TRIM62: variants seen among roughly 807,000 people sequenced by gnomAD.
TRIM62 encodes tripartite motif containing 62.
TRIM62 carries 39 observed loss-of-function variants against 44.2 expected under a neutral mutation model. The observed-to-expected ratio is 0.88, with a 90% CI of 0.68 to 1.15. The LOEUF is 1.15. TRIM62 is among the 50% of genes most tolerant of loss of function. The pLI, the probability that TRIM62 is intolerant of heterozygous loss-of-function variation, is 0.00. For synonymous variants in TRIM62, 278 were observed against 292.3 expected (o/e 0.95, Z 0.50); for missense variants, 544 against 665.5 (o/e 0.82, Z 2.01).
rs1489018202 is a variant in TRIM62, at chr1:33,145,843, C to A, written c.*1334G>T. On this transcript the variant is annotated 3_prime_UTR_variant, in exon 5 of 5. Coordinates refer to ENST00000291416, the MANE Select transcript of TRIM62 (RefSeq NM_018207.3). ...AAAACGCAGGTGGGGCTTGCTCCAC[C>A]CACCCTAACTTCCTTCTAGGGAAAT... 1 of 470,932 alleles carries A rather than the reference C, an allele frequency of 2.1e-6. No homozygotes were observed. The highest frequency in any genetic ancestry group is 6.9e-5 in the East Asian group (1 of 14,394). The allele number at this position is 470,932 out of a possible 1,614,324, so 29.2% of individuals were successfully genotyped here.
intron 1 of TRIM62, among the ~76,000 whole-genome samples, chr1:33,173,203 AC>A (rs1217973537): frequency 6.6e-6 from 1 of 152,018 alleles, no homozygotes; most frequent in Non-Finnish European, 1.5e-5. Context: ...CTCCCTGTGC[AC>A]TTCTGAGCCA....
In TRIM62 at chr1:33,161,559, C is replaced by T. The variant is rs1337440027; in HGVS notation, c.505-1615G>A. Among the ~76,000 whole-genome samples, 1 of 152,054 alleles carries T rather than the reference C, an allele frequency of 6.6e-6. No individual in the cohort carries two copies. The highest frequency in any genetic ancestry group is 1.5e-5 in the Non-Finnish European group (1 of 67,998). On this transcript the variant is annotated intron_variant, in intron 2 of 4. Coordinates refer to ENST00000291416, the MANE Select transcript of TRIM62 (RefSeq NM_018207.3). This position sits in a 1 kb window ranked among gnomAD's most constrained non-coding sequence, Gnocchi z 4.3. The stretch of plus-strand genomic sequence containing the variant: ...TGCTGGCGGTGGGCCAGCCTCGCTG[C>T]GCATGCCCACCCAGAACGCCAGGCA...
At chr1:33,164,974 T>G (rs1226912671) in intron 2 of TRIM62, 1 of 93,874 alleles carries the variant, frequency 1.1e-5, no homozygotes, top group Non-Finnish European at 2.4e-5. Flanking sequence ...TTTTTTTTTG[T>G]AGAGAAGGCA....
At chr1:33,172,072 G>A (rs1645379108) in intron 1 of TRIM62, among the ~76,000 whole-genome samples, 2 of 152,170 alleles carry the variant, frequency 1.3e-5, no homozygotes, top group Admixed American at 6.5e-5. Flanking sequence ...ATCAGCCATG[G>A]CACCGGACCT....
chr1:33,159,965 G>A lies in TRIM62; in HGVS notation c.505-21C>T, dbSNP rs1397038799. ...GAAGACTGTGGGGGACAGTCGTCAG[G>A]GGTTATGGCTGGGGGAGCAGATGGG... On this transcript the variant is annotated intron_variant, in intron 2 of 4. Coordinates refer to ENST00000291416, the MANE Select transcript of TRIM62 (RefSeq NM_018207.3). The surrounding 1 kb of genome is among the most constrained non-coding windows in gnomAD (Gnocchi z 4.2). 7 of 1,592,358 alleles carry A rather than the reference G, an allele frequency of 4.4e-6. No individual in the cohort carries two copies. Among genetic ancestry groups the A allele is most frequent in the Middle Eastern group, 3.3e-4 (2 of 6,042 alleles).
intron 4 of TRIM62, among the ~76,000 whole-genome samples, chr1:33,148,705 G>A (rs1047975530): frequency 6.6e-6 from 1 of 152,140 alleles, no homozygotes; most frequent in Non-Finnish European, 1.5e-5. Flanking sequence ...ACTTGAAATT[G>A]TGAAAAGGTT....
chr1:33,159,738 A>T lies in TRIM62; in HGVS notation c.711T>A (p.Ala237=). The T allele has an allele frequency of 6.2e-7, 1 of 1,612,742 alleles. No homozygotes were observed. The highest frequency in any genetic ancestry group is 1.3e-5 in the African/African-American group (1 of 75,050). The change falls in exon 3 of 5, where the codon GCT becomes GCA. Residue 237 remains alanine, a synonymous_variant. Coordinates refer to ENST00000291416, the MANE Select transcript of TRIM62 (RefSeq NM_018207.3). The surrounding 1 kb of genome is among the most constrained non-coding windows in gnomAD (Gnocchi z 4.2). ...EGAQILQERL[A]ETDRHTFLAG... is the part of the protein sequence containing the mutation. ...CCAGGAAGGTGTGCCGGTCGGTTTCAGCCAGCCGCTCCTGCAGGATCTGGG... is the reference window on the plus strand; with the variant it reads ...CCAGGAAGGTGTGCCGGTCGGTTTCTGCCAGCCGCTCCTGCAGGATCTGGG...
At position 33,177,039 on chromosome 1, in the gene TRIM62, GCACACACACACGCA is replaced by G. The variant is rs763849528; in HGVS notation, c.408+3972_408+3985del. Among the ~76,000 whole-genome samples the G allele has an allele frequency of 2.4e-3, 143 of 58,752 alleles. No homozygotes were observed. The highest frequency in any genetic ancestry group is 4.7e-3 in the African/African-American group (55 of 11,648). 38.5% of individuals were successfully genotyped at this position (58,752 alleles called of 152,430 possible). On this transcript the variant is annotated intron_variant, in intron 1 of 4. Transcript: ENST00000291416. This position sits in a 1 kb window ranked among gnomAD's most constrained non-coding sequence, Gnocchi z 4.1. Reference sequence around the variant, plus strand: ...GGAAGACACCAACACACATACACATGCACACACACACGCACACACACACACATGCACACACACAC... The same window carrying G: ...GGAAGACACCAACACACATACACATGCACACACACACATGCACACACACAC...
intron 2 of TRIM62, chr1:33,163,903 AC>A (rs1411606187): frequency 1.3e-5 from 2 of 152,908 alleles, no homozygotes; most frequent in Non-Finnish European, 2.9e-5. Context: ...GCCCCACAGG[AC>A]CCCCCAGAGG....
In TRIM62 at chr1:33,150,441, T is replaced by C. The variant is rs559115956; in HGVS notation, c.878-2714A>G. ...CACTGGACCAGTGACCTATATCAAG[T>C]TCCTTCCATGATCTTTGCCAGGAGT... On this transcript the variant is annotated intron_variant, in intron 4 of 4. Transcript: ENST00000291416. Among the ~76,000 whole-genome samples the C allele has an allele frequency of 4.6e-5, 7 of 152,364 alleles. No homozygotes were observed. The South Asian group carries it at 1.4e-3, about 32-fold the overall frequency.
chr1:33,156,024 T>C (rs757135469), intron 4 of TRIM62, among the ~76,000 whole-genome samples: 169 of 152,328 alleles, frequency 1.1e-3, no homozygotes, highest in Non-Finnish European at 2.0e-3. Flanking sequence ...CCCCACTGGC[T>C]TTGGTGCCCA....
At position 33,146,996 on chromosome 1, in the gene TRIM62, G is replaced by A. The variant is rs556469487; in HGVS notation, c.*181C>T. The A allele has an allele frequency of 1.6e-6, 1 of 637,176 alleles. No homozygotes were observed. Among genetic ancestry groups the A allele is most frequent in the African/African-American group, 1.8e-5 (1 of 54,436 alleles). The allele number at this position is 637,176 out of a possible 1,614,324, so 39.5% of individuals were successfully genotyped here. On this transcript the variant is annotated 3_prime_UTR_variant, in exon 5 of 5. Coordinates refer to ENST00000291416, the MANE Select transcript of TRIM62 (RefSeq NM_018207.3). ...TCAGAGCTACAGAACATCGATGCTGGAAGAGAGTTTAGGAAGTAGGGAATG... is the reference window on the plus strand; with the variant it reads ...TCAGAGCTACAGAACATCGATGCTGAAAGAGAGTTTAGGAAGTAGGGAATG...
Position 33,147,133 on chromosome 1 carries a change from A to G in TRIM62, c.*44T>C. On this transcript the variant is annotated 3_prime_UTR_variant, in exon 5 of 5. Transcript: ENST00000291416. This position sits in a 1 kb window ranked among gnomAD's most constrained non-coding sequence, Gnocchi z 8.1. ...TCTATCTCCTGGGCAGGGCTCTTGCAGGTGGCAGTGGTCCCAGGAGGTTGT... is the reference window on the plus strand; with the variant it reads ...TCTATCTCCTGGGCAGGGCTCTTGCGGGTGGCAGTGGTCCCAGGAGGTTGT... The G allele has an allele frequency of 6.3e-7, 1 of 1,588,578 alleles. No homozygotes were observed. The highest frequency in any genetic ancestry group is 8.6e-7 in the Non-Finnish European group (1 of 1,165,346).
At position 33,174,945 on chromosome 1, in the gene TRIM62, GTATATATATA is replaced by G. The variant is rs72310095; in HGVS notation, c.408+6070_408+6079del. 1.7e-3 allele frequency among the ~76,000 whole-genome samples: 238 copies of G among 141,592 alleles called. 6 individuals carry two copies. The highest frequency in any genetic ancestry group is 0.014 in the South Asian group (66 of 4,642). The allele number at this position is 141,592 out of a possible 152,430, so 92.9% of individuals were successfully genotyped here. A position where few individuals can be genotyped will look rare whatever the true frequency, so the allele number is the denominator to read the frequency against. ...CACACACACACATACATATATGTGT[GTATATATATA>G]TATATATATATATACACACATATAC... On this transcript the variant is annotated intron_variant, in intron 1 of 4. Coordinates refer to ENST00000291416, the MANE Select transcript of TRIM62 (RefSeq NM_018207.3).
In TRIM62 at chr1:33,167,398, G is replaced by A. The variant is rs749720852; in HGVS notation, c.409-1832C>T. On this transcript the variant is annotated intron_variant, in intron 1 of 4. Coordinates refer to ENST00000291416, the MANE Select transcript of TRIM62 (RefSeq NM_018207.3). The surrounding 1 kb of genome is among the most constrained non-coding windows in gnomAD (Gnocchi z 4.2). ...AGTGATTATTTGTCAAGTGATAAAT[G>A]GGTTGTGGAGGTGAGTGCTCCCTAG... 6.6e-6 allele frequency among the ~76,000 whole-genome samples: 1 copy of A among 152,204 alleles called. No individual in the cohort carries two copies. The highest frequency in any genetic ancestry group is 1.5e-5 in the Non-Finnish European group (1 of 68,034).
intron 1 of TRIM62, chr1:33,176,437 C>G (rs1645420135): frequency 1.4e-6 from 1 of 698,098 alleles, no homozygotes; most frequent in Non-Finnish European, 2.6e-6. Context: ...TGATCCACTG[C>G]TGTCTTCTCT....
intron 1 of TRIM62, among the ~76,000 whole-genome samples, chr1:33,171,255 CTG>C (rs1035726907): frequency 5.3e-5 from 8 of 152,232 alleles, no homozygotes; most frequent in African/African-American, 1.9e-4. Flanking sequence ...AGGAAGGACA[CTG>C]GTAACGGCAG....
chr1:33,151,295 G>A (rs563965499), intron 4 of TRIM62, among the ~76,000 whole-genome samples: 1 of 152,204 alleles, frequency 6.6e-6, no homozygotes, highest in East Asian at 1.9e-4. Flanking sequence ...GGCCGGCCTA[G>A]GGGCAGGGCC....
chr1:33,163,223 G>C (rs4045735), intron 2 of TRIM62: 1 of 152,018 alleles, frequency 6.6e-6, no homozygotes, highest in South Asian at 2.1e-4. Flanking sequence ...ATTTTTAGTA[G>C]AGACGGGGTT....
Sources: allele counts gnomAD v4.1 joint callset (sites outside exome capture counted in the v4.1 genomes callset), GRCh38; gene constraint gnomAD v4.1.1; non-coding constraint Gnocchi (gnomAD v3.1); transcripts MANE v1.5; gene names NCBI Gene and HGNC (gene_info 2026-07-23, HGNC 2026-07-21).